The following POLR2B variants were observed in gnomAD, a reference collection of about 807,000 sequenced individuals.
POLR2B encodes RNA polymerase II subunit B.
Under a neutral mutation model 144.6 loss-of-function variants are expected in POLR2B, and 57 were observed. The observed-to-expected ratio is 0.39, with a 90% CI of 0.32 to 0.49. POLR2B has a LOEUF of 0.49. POLR2B is among the 20% of genes least tolerant of loss of function. The probability of loss-of-function intolerance (pLI) is 0.83; values close to 1 mark genes in which losing one functional copy is unlikely to be tolerated. For missense variants in POLR2B, 595 were observed against 1,467.4 expected (o/e 0.41, Z 9.71); for synonymous variants, 442 against 469.8 (o/e 0.94, Z 0.77).
intron 6 of POLR2B, among the ~76,000 whole-genome samples, chr4:56,996,206 A>ATGTGTGTGTGTGTGTG (rs59059584): frequency 0.034 from 3,939 of 114,936 alleles, 89 homozygotes; most frequent in Non-Finnish European, 0.042. Flanking sequence ...ATTTCAGTTC[A>ATGTGTGTGTGTGTGTG]TGTGTGTGTG....
chr4:57,001,306 G>T (rs1722847028), intron 7 of POLR2B, among the ~76,000 whole-genome samples: 1 of 151,936 alleles, frequency 6.6e-6, no homozygotes, highest in African/African-American at 2.4e-5. Context: ...TTACAGGCAC[G>T]TGCCACCACA....
At chr4:57,008,182 T>C (rs62310298) in intron 10 of POLR2B, among the ~76,000 whole-genome samples, 28,272 of 150,602 alleles carry the variant, frequency 0.19, 3,374 homozygotes, top group Middle Eastern at 0.34. Flanking sequence ...AAATGCCACA[T>C]TGCAAATTCA....
At chr4:57,025,326 T>A in intron 22 of POLR2B, 51 bp from the exon 23 acceptor site, 1 of 1,328,044 alleles carries the variant, frequency 7.5e-7, no homozygotes, top group Non-Finnish European at 1.1e-6. Context: ...ATATCTTCTT[T>A]GACGTTGTTT....
intron 23 of POLR2B, among the ~76,000 whole-genome samples, chr4:57,027,633 C>T (rs1272868706): frequency 6.6e-6 from 1 of 152,162 alleles, no homozygotes; most frequent in Non-Finnish European, 1.5e-5. Flanking sequence ...TTTGATACTA[C>T]ACCAAAACGG....
chr4:56,979,095 A>T (rs1560468065), intron 1 of POLR2B, 91 bp downstream of exon 1: 3 of 1,328,300 alleles, frequency 2.3e-6, no homozygotes, highest in Non-Finnish European at 2.2e-6. Flanking sequence ...GGGCCTTCCC[A>T]TGCGCCGGCT....
intron 1 of POLR2B, among the ~76,000 whole-genome samples, chr4:56,983,399 G>T (rs1578553295): frequency 9.0e-6 from 1 of 110,608 alleles, no homozygotes; most frequent in East Asian, 2.9e-4. Flanking sequence ...TTGAGATGGA[G>T]TTTCCCTTTG....
chr4:57,010,983 T>C lies in POLR2B; in HGVS notation c.1689-6T>C, dbSNP rs760133094. ...AGTGTAAAATGCTTTTGCTTTTTCA[T>C]TGTAGTGCAACCAAGATTTTTGTTA... On this transcript the variant is annotated splice_region_variant and splice_polypyrimidine_tract_variant and intron_variant, in intron 12 of 24. Transcript: ENST00000314595. 2.4e-5 allele frequency: 39 copies of C among 1,612,094 alleles called. No individual in the cohort carries two copies. The highest frequency in any genetic ancestry group is 3.3e-5 in the Non-Finnish European group (39 of 1,178,080).
At chr4:57,021,484 ACT>A (rs1723546865) in intron 17 of POLR2B, among the ~76,000 whole-genome samples, 1 of 103,676 alleles carries the variant, frequency 9.6e-6, no homozygotes, top group Non-Finnish European at 2.0e-5. Flanking sequence ...TAATGTAAAA[ACT>A]TTTTTTTTTT....
intron 8 of POLR2B, 43 bp downstream of exon 8, chr4:57,005,485 G>GT: frequency 6.7e-7 from 1 of 1,493,602 alleles, no homozygotes; most frequent in Non-Finnish European, 9.0e-7. Context: ...TCAAGATACA[G>GT]TTGAGATAAA....
At chr4:57,016,535 T>C (rs931499734) in intron 14 of POLR2B, among the ~76,000 whole-genome samples, 1 of 151,810 alleles carries the variant, frequency 6.6e-6, no homozygotes, top group African/African-American at 2.4e-5. Flanking sequence ...AAAAAAAGTT[T>C]TTGTGATATA....
Position 56,978,990 on chromosome 4 carries a change from A to G in POLR2B, c.5A>G (p.Tyr2Cys). 1.2e-6 allele frequency: 2 copies of G among 1,613,878 alleles called. No individual in the cohort carries two copies. The highest frequency in any genetic ancestry group is 1.7e-6 in the Non-Finnish European group (2 of 1,179,934). Residue 2 changes from tyrosine (Y) to cysteine (C), a missense_variant, in exon 1 of 25, where the codon TAC (tyrosine) becomes TGC (cysteine). Coordinates refer to ENST00000314595, the MANE Select transcript of POLR2B (RefSeq NM_000938.3). M[Y>C]DADEDMQYDE... ...GCTCGAGAACCGTTTGGCAATATGT[A>G]CGACGCGGATGAGGGTAGGTGAACG... is the stretch of plus-strand genomic sequence containing the variant.
chr4:57,005,471 T>C, intron 8 of POLR2B, 29 bp downstream of exon 8: 3 of 1,514,024 alleles, frequency 2.0e-6, no homozygotes, highest in Non-Finnish European at 2.7e-6. Context: ...TTTTAAGTTC[T>C]TTATCAAGAT....
Position 57,027,167 on chromosome 4 carries a change from C to T in POLR2B, c.3239+1630C>T, listed in dbSNP as rs1723751171. Among the ~76,000 whole-genome samples the T allele has an allele frequency of 2.6e-5, 4 of 152,204 alleles. No homozygotes were observed. The South Asian group carries it at 8.3e-4, about 32-fold the overall frequency. On this transcript the variant is annotated intron_variant, in intron 23 of 24. Coordinates refer to ENST00000314595, the MANE Select transcript of POLR2B (RefSeq NM_000938.3). The stretch of plus-strand genomic sequence containing the variant: ...GGGATTACAGGTGTGCGCCACCAAG[C>T]CCAGCTAATTTTTGTATTTTTTGTA...
At chr4:57,020,575 G>A (rs1723510500) in intron 16 of POLR2B, among the ~76,000 whole-genome samples, 1 of 152,112 alleles carries the variant, frequency 6.6e-6, no homozygotes, top group Non-Finnish European at 1.5e-5. Flanking sequence ...TCTTGTTTAT[G>A]GCACAGAGTT....
At chr4:57,022,342 C>T (rs1183737734) in intron 18 of POLR2B, 96 bp downstream of exon 18, 3 of 699,848 alleles carry the variant, frequency 4.3e-6, no homozygotes, top group African/African-American at 1.8e-5. Flanking sequence ...TGTGCCTGCC[C>T]CTGTCCTCCT....
At chr4:57,025,828 T>C (rs1723699477) in intron 23 of POLR2B, among the ~76,000 whole-genome samples, 1 of 152,074 alleles carries the variant, frequency 6.6e-6, no homozygotes, top group African/African-American at 2.4e-5. Context: ...TACCTTAGCC[T>C]CCCAAGTAGC....
chr4:56,999,506 T>G, intron 6 of POLR2B, 111 bp from the exon 7 acceptor site: 1 of 624,798 alleles, frequency 1.6e-6, no homozygotes, highest in Non-Finnish European at 2.5e-6. Context: ...GAGGCGTGCT[T>G]CTTTTGAAAT....
At chr4:57,012,776 T>G (rs1277035681) in intron 13 of POLR2B, among the ~76,000 whole-genome samples, 1 of 152,186 alleles carries the variant, frequency 6.6e-6, no homozygotes, top group Non-Finnish European at 1.5e-5. Flanking sequence ...GAAATTCTCA[T>G]GCCTCAGCCT....
chr4:57,005,365 G>A lies in POLR2B; in HGVS notation c.1020G>A (p.Lys340=), dbSNP rs1221522238. Residue 340 remains lysine, a synonymous_variant, in exon 8 of 25, where the codon AAG becomes AAA. Transcript: ENST00000314595. ...VTKEKRIKYA[K]EVLQKEMLPH... ...AAGAGAAAAGAATTAAATATGCAAA[G>A]GAAGTTTTACAAAAAGAAATGCTCC... 1 of 1,609,656 alleles carries A rather than the reference G, an allele frequency of 6.2e-7. No homozygotes were observed. The highest frequency in any genetic ancestry group is 8.5e-7 in the Non-Finnish European group (1 of 1,178,596).
Sources: gnomAD v4.1 joint callset for allele counts (sites outside exome capture counted in the v4.1 genomes callset) on GRCh38, gnomAD v4.1.1 for gene constraint, MANE v1.5 for transcripts, NCBI Gene and HGNC (gene_info 2026-07-23, HGNC 2026-07-21) for gene names.